The following CSMD3 variants were observed in gnomAD, a reference collection of about 807,000 sequenced individuals.
The protein encoded by CSMD3 is CUB and sushi domain-containing protein 3.
CSMD3 carries 177 observed loss-of-function variants against 435.2 expected under a neutral mutation model. The ratio of observed to expected loss-of-function variants is 0.41; its 90% CI spans 0.36 to 0.46. The LOEUF is 0.46. Among genes scored for constraint, CSMD3 ranks in the 20% least tolerant of loss-of-function variants. The pLI, the probability that CSMD3 is intolerant of heterozygous loss-of-function variation, is 0.34. For missense variants in CSMD3, 4,265 were observed against 4,504.6 expected, an observed-to-expected ratio of 0.95 and a Z score of 1.52; for synonymous variants, 1,656 against 1,520.5, an observed-to-expected ratio of 1.09 and a Z score of -2.07.
rs191722764 is a variant in CSMD3 at position 113,232,005 on chromosome 8, T to C, written c.514+46587A>G. On this transcript the variant is annotated intron_variant, in intron 3 of 70. Coordinates refer to ENST00000297405, the MANE Select transcript of CSMD3 (RefSeq NM_198123.2). ...TAACTCTTTATAAGACTTTTTTTCA[T>C]CATAAATTATATACAATGCAATTTA... 4.3e-4 allele frequency among the ~76,000 whole-genome samples: 65 copies of C among 151,712 alleles called. 1 individual carries two copies. The highest frequency in any genetic ancestry group is 7.2e-4 in the Non-Finnish European group (49 of 67,636).
intron 45 of CSMD3, among the ~76,000 whole-genome samples, chr8:112,335,076 A>G (rs1462176358): frequency 2.0e-5 from 3 of 152,158 alleles, no homozygotes. Context: ...TGCAGAAATG[A>G]TTATTTTCCA....
At chr8:112,974,687 G>C (rs2130925672) in intron 7 of CSMD3, among the ~76,000 whole-genome samples, 1 of 151,790 alleles carries the variant, frequency 6.6e-6, no homozygotes, top group East Asian at 1.9e-4. Flanking sequence ...ATTCATTTTA[G>C]AATGTGCCTC....
intron 31 of CSMD3, among the ~76,000 whole-genome samples, chr8:112,485,100 T>G (rs1168494753): frequency 6.6e-6 from 1 of 152,164 alleles, no homozygotes; most frequent in Non-Finnish European, 1.5e-5. Flanking sequence ...AGACAGAGTG[T>G]ATGTAAGACT....
Position 112,292,676 on chromosome 8 carries a change from A to G in CSMD3, c.8649T>C (p.Tyr2883=). 6.2e-7 allele frequency: 1 copy of G among 1,613,860 alleles called. No individual in the cohort carries two copies. The highest frequency in any genetic ancestry group is 8.5e-7 in the Non-Finnish European group (1 of 1,179,808). Residue 2883 remains tyrosine (Y), a synonymous_variant, in exon 55 of 71, where the codon TAT becomes TAC. Coordinates refer to ENST00000297405, the MANE Select transcript of CSMD3 (RefSeq NM_198123.2). ...VSCGHPGSPI[Y]GRTSGNGFNF... ...TGAACCCATTTCCACTTGTTCTTCCATAAATTGGACTACCAGGGTGACCAC... is the reference window on the plus strand; with the variant it reads ...TGAACCCATTTCCACTTGTTCTTCCGTAAATTGGACTACCAGGGTGACCAC...
chr8:113,233,543 A>G (rs1051683098), intron 3 of CSMD3, among the ~76,000 whole-genome samples: 4 of 151,154 alleles, frequency 2.6e-5, no homozygotes, highest in Non-Finnish European at 4.4e-5. Flanking sequence ...TATTTACATG[A>G]TATAATAAGA....
intron 14 of CSMD3, among the ~76,000 whole-genome samples, chr8:112,685,957 A>G (rs2131807630): frequency 7.3e-6 from 1 of 137,652 alleles, no homozygotes; most frequent in South Asian, 2.2e-4. Context: ...GCACAAAAAT[A>G]TAATTGGAAT....
At chr8:113,270,285 GCGATCATTAAAAAGT>G (rs201182542) in intron 3 of CSMD3, among the ~76,000 whole-genome samples, 2 of 79,284 alleles carry the variant, frequency 2.5e-5, no homozygotes, top group East Asian at 2.9e-4. Context: ...AGTTAGAATG[GCGATCATTAAAAAGT>G]CGATCATTAA....
At chr8:112,381,632 C>G (rs2035895) in intron 37 of CSMD3, among the ~76,000 whole-genome samples, 59,950 of 152,044 alleles carry the variant, frequency 0.39, 13,303 homozygotes, top group Middle Eastern at 0.54. Context: ...ATTTATTACA[C>G]AGCACACACT....
chr8:113,198,903 T>C (rs1035426663), intron 3 of CSMD3, among the ~76,000 whole-genome samples: 3 of 151,338 alleles, frequency 2.0e-5, no homozygotes, highest in Non-Finnish European at 4.4e-5. Flanking sequence ...TATTGTAATC[T>C]GAAATTACTT....
intron 9 of CSMD3, among the ~76,000 whole-genome samples, chr8:112,944,372 A>T (rs2083540589): frequency 6.6e-6 from 1 of 151,632 alleles, no homozygotes; most frequent in African/African-American, 2.4e-5. Flanking sequence ...TTTCTCCTAC[A>T]AAATTATGTT....
intron 12 of CSMD3, among the ~76,000 whole-genome samples, chr8:112,809,588 T>C (rs2079171893): frequency 6.6e-6 from 1 of 152,174 alleles, no homozygotes; most frequent in African/African-American, 2.4e-5. Context: ...AAAAATGTTA[T>C]TTGTTACACT....
chr8:113,236,104 T>G (rs766025680), intron 3 of CSMD3, among the ~76,000 whole-genome samples: 6 of 152,186 alleles, frequency 3.9e-5, no homozygotes, highest in Non-Finnish European at 8.8e-5. Flanking sequence ...TTTCCTCATT[T>G]GAATAGTAAA....
intron 3 of CSMD3, among the ~76,000 whole-genome samples, chr8:113,235,210 T>C (rs796211784): frequency 1.8e-4 from 27 of 152,246 alleles, no homozygotes; most frequent in African/African-American, 6.0e-4. Context: ...TTTAGGCATG[T>C]TTCCTTCATG....
chr8:113,067,961 C>T (rs568711314), intron 5 of CSMD3, among the ~76,000 whole-genome samples: 4 of 152,172 alleles, frequency 2.6e-5, no homozygotes, highest in East Asian at 1.9e-4. Flanking sequence ...AATTGCACTG[C>T]TCTGGACACC....
intron 5 of CSMD3, among the ~76,000 whole-genome samples, chr8:113,072,102 T>A (rs747793398): frequency 1.3e-5 from 2 of 151,804 alleles, no homozygotes; most frequent in Non-Finnish European, 3.0e-5. Context: ...CCTTATCATA[T>A]GGTTTGTTGT....
At chr8:113,235,130 T>A (rs914123775) in intron 3 of CSMD3, among the ~76,000 whole-genome samples, 5 of 152,142 alleles carry the variant, frequency 3.3e-5, no homozygotes, top group African/African-American at 1.2e-4. Context: ...GTGGTGAAAG[T>A]CTTCGGCAGG....
At chr8:113,340,861 T>G (rs372338286) in intron 1 of CSMD3, among the ~76,000 whole-genome samples, 10 of 80,712 alleles carry the variant, frequency 1.2e-4, no homozygotes, top group African/African-American at 3.8e-4. Context: ...AAAGCAAGAC[T>G]TTGTCTCAAA....
chr8:112,623,748 T>C (rs2131527875), intron 22 of CSMD3, among the ~76,000 whole-genome samples: 1 of 151,968 alleles, frequency 6.6e-6, no homozygotes, highest in South Asian at 2.1e-4. Flanking sequence ...TTAATTTTTG[T>C]TGAATAGTGG....
chr8:113,023,352 A>G (rs2086753338), intron 5 of CSMD3, among the ~76,000 whole-genome samples: 1 of 151,914 alleles, frequency 6.6e-6, no homozygotes, highest in African/African-American at 2.4e-5. Context: ...ATGACTTTGT[A>G]TCCCTCTTTT....
Sources: allele counts gnomAD v4.1 joint callset (sites outside exome capture counted in the v4.1 genomes callset), GRCh38; gene constraint gnomAD v4.1.1; transcripts MANE v1.5; gene names NCBI Gene and HGNC (gene_info 2026-07-23, HGNC 2026-07-21).